Variants in FHIT observed in about 807,000 individuals in gnomAD.
FHIT encodes bis(5'-adenosyl)-triphosphatase.
FHIT carries 19 observed loss-of-function variants against 17.9 expected under a neutral mutation model. The ratio of observed to expected loss-of-function variants is 1.06; its 90% confidence interval spans 0.74 to 1.56. The LOEUF (loss-of-function observed/expected upper bound fraction) is 1.56, where lower values mean the gene tolerates loss of function less well. FHIT is among the 40% of genes most tolerant of loss of function. The pLI, the probability that FHIT is intolerant of heterozygous loss-of-function variation, is 0.00. For missense variants in FHIT, 248 were observed against 189.2 expected (o/e 1.31, Z -1.82); for synonymous variants, 81 against 69.7 (o/e 1.16, Z -0.81).
rs563443470 is a variant in FHIT, at chr3:60,626,419, A to G, written c.-17-89440T>C. ...TCAAATATACATAAATTCAGAGTTT[A>G]TATTTTTTGTTGCTTTTAATTTATT... On this transcript the variant is annotated intron_variant, in intron 4 of 9. Transcript: ENST00000492590. Among the ~76,000 whole-genome samples the G allele has an allele frequency of 3.9e-5, 6 of 152,240 alleles. No homozygotes were observed. The East Asian group carries it at 1.2e-3, about 29-fold the overall frequency.
intron 5 of FHIT, among the ~76,000 whole-genome samples, chr3:60,521,539 G>A (rs1388766935): frequency 2.6e-5 from 4 of 152,158 alleles, no homozygotes; most frequent in East Asian, 3.9e-4. Context: ...GAGCCACTGT[G>A]CCCGGCCAAA....
chr3:60,230,243 G>A (rs1485333409), intron 5 of FHIT, among the ~76,000 whole-genome samples: 2 of 152,132 alleles, frequency 1.3e-5, no homozygotes, highest in African/African-American at 2.4e-5. Flanking sequence ...TTTCAATGCA[G>A]AAAGTTTTAA....
At chr3:61,193,946 T>C (rs1265887370) in intron 2 of FHIT, among the ~76,000 whole-genome samples, 2 of 151,570 alleles carry the variant, frequency 1.3e-5, no homozygotes, top group Non-Finnish European at 1.5e-5. Context: ...TAAAGGAAAA[T>C]AGTTTTTATG....
intron 4 of FHIT, among the ~76,000 whole-genome samples, chr3:60,544,371 G>T (rs2036292097): frequency 6.6e-6 from 1 of 151,554 alleles, no homozygotes; most frequent in Non-Finnish European, 1.5e-5. Context: ...AAAAAAATTG[G>T]TTTTATGAAA....
chr3:60,063,470 C>G (rs1018743342), intron 5 of FHIT, among the ~76,000 whole-genome samples: 1 of 152,184 alleles, frequency 6.6e-6, no homozygotes, highest in African/African-American at 2.4e-5. Flanking sequence ...ATGTTTACCA[C>G]AGCTCATCTG....
intron 5 of FHIT, among the ~76,000 whole-genome samples, chr3:60,089,105 T>C (rs1703622046): frequency 2.6e-5 from 4 of 152,140 alleles, no homozygotes; most frequent in Admixed American, 6.5e-5. Flanking sequence ...TGGTGGGGAA[T>C]GTTTGACAGC....
intron 3 of FHIT, among the ~76,000 whole-genome samples, chr3:60,928,483 A>C (rs1351747440): frequency 6.6e-6 from 1 of 151,828 alleles, no homozygotes; most frequent in Non-Finnish European, 1.5e-5. Flanking sequence ...TGGGAGGCAG[A>C]GGCTGCAGCA....
At chr3:61,139,833 G>A (rs188598008) in intron 2 of FHIT, among the ~76,000 whole-genome samples, 10 of 151,916 alleles carry the variant, frequency 6.6e-5, no homozygotes, top group East Asian at 3.9e-4. Flanking sequence ...TAGCAAGAGC[G>A]GTCTAAAATC....
chr3:60,284,199 T>C (rs1707607036), intron 5 of FHIT, among the ~76,000 whole-genome samples: 2 of 152,116 alleles, frequency 1.3e-5, no homozygotes, highest in African/African-American at 4.8e-5. Context: ...AGACCCTTCA[T>C]GAATGAAACA....
At chr3:60,068,425 G>T (rs1702616522) in intron 5 of FHIT, among the ~76,000 whole-genome samples, 1 of 152,176 alleles carries the variant, frequency 6.6e-6, no homozygotes, top group African/African-American at 2.4e-5. Flanking sequence ...AACAAGAAAA[G>T]AGTAAAAATA....
At chr3:60,508,266 AAAG>A (rs1391933480) in intron 5 of FHIT, among the ~76,000 whole-genome samples, 1 of 152,212 alleles carries the variant, frequency 6.6e-6, no homozygotes, top group Non-Finnish European at 1.5e-5. Flanking sequence ...CATGTTAGAA[AAAG>A]AAGGATGTTC....
chr3:60,487,611 C>A (rs1261857108), intron 5 of FHIT, among the ~76,000 whole-genome samples: 1 of 152,190 alleles, frequency 6.6e-6, no homozygotes, highest in African/African-American at 2.4e-5. Flanking sequence ...CTATCTTGAA[C>A]TTGCCTTTCA....
intron 2 of FHIT, among the ~76,000 whole-genome samples, chr3:61,170,860 A>G (rs1265648976): frequency 6.6e-6 from 1 of 152,164 alleles, no homozygotes; most frequent in Non-Finnish European, 1.5e-5. Flanking sequence ...TTATAACACA[A>G]TGATTTATAC....
chr3:59,817,112 G>C (rs902116749), intron 8 of FHIT, among the ~76,000 whole-genome samples: 12 of 152,210 alleles, frequency 7.9e-5, no homozygotes, highest in Non-Finnish European at 1.3e-4. Flanking sequence ...AGGTTTAGCA[G>C]ATGGTGTTTT....
intron 5 of FHIT, among the ~76,000 whole-genome samples, chr3:60,066,007 C>A (rs770363334): frequency 6.6e-6 from 1 of 152,066 alleles, no homozygotes; most frequent in African/African-American, 2.4e-5. Flanking sequence ...CTTCTTGTTA[C>A]CAAAGAAAAT....
At chr3:61,249,900 C>G (rs1211917275) in intron 1 of FHIT, among the ~76,000 whole-genome samples, 1 of 147,010 alleles carries the variant, frequency 6.8e-6, no homozygotes, top group Non-Finnish European at 1.5e-5. Flanking sequence ...AATCCCATAT[C>G]TAACACTTAG....
At chr3:61,160,428 A>C (rs2037655018) in intron 2 of FHIT, among the ~76,000 whole-genome samples, 1 of 152,212 alleles carries the variant, frequency 6.6e-6, no homozygotes, top group Admixed American at 6.5e-5. Context: ...TTACTCTGTA[A>C]GCGACAAGGA....
At chr3:59,993,348 C>T (rs1449108742) in intron 7 of FHIT, among the ~76,000 whole-genome samples, 1 of 152,068 alleles carries the variant, frequency 6.6e-6, no homozygotes, top group Non-Finnish European at 1.5e-5. Context: ...AAGTAATCAA[C>T]ATGTGTTTTA....
intron 5 of FHIT, among the ~76,000 whole-genome samples, chr3:60,057,119 G>C (rs192199260): frequency 2.1e-4 from 32 of 152,274 alleles, no homozygotes; most frequent in African/African-American, 6.0e-4. Context: ...GGTGATAAAG[G>C]GGGAAGTGGG....
Sources: gnomAD v4.1 joint callset for allele counts (sites outside exome capture counted in the v4.1 genomes callset) on GRCh38, gnomAD v4.1.1 for gene constraint, MANE v1.5 for transcripts, NCBI Gene and HGNC (gene_info 2026-07-23, HGNC 2026-07-21) for gene names.